CNTRL: variants seen among roughly 807,000 people sequenced by gnomAD.
CNTRL encodes 110 kDa centrosomal protein.
In CNTRL, 233 loss-of-function variants were observed where a neutral mutation model predicts 303.7. The observed-to-expected ratio is 0.77, with a 90% CI of 0.69 to 0.86. The LOEUF (loss-of-function observed/expected upper bound fraction) is 0.86. Ranked by LOEUF, CNTRL falls within the 40% of genes least tolerant of loss-of-function variation. The pLI, the probability that CNTRL is intolerant of heterozygous loss-of-function variation, is 0.00. For missense variants in CNTRL, 2,524 were observed against 2,650.6 expected (o/e 0.95, Z 1.05); for synonymous variants, 900 against 922.2 (o/e 0.98, Z 0.44).
chr9:121,172,544 G>A (rs1022832792), intron 40 of CNTRL, among the ~76,000 whole-genome samples: 1 of 152,138 alleles, frequency 6.6e-6, no homozygotes, highest in Non-Finnish European at 1.5e-5. Context: ...GGGAGGCTGA[G>A]GGGGGAGGAT....
At chr9:121,159,052 G>A (rs750357073) in intron 31 of CNTRL, 33 bp downstream of exon 31, 103 of 1,590,778 alleles carry the variant, frequency 6.5e-5, no homozygotes, top group East Asian at 1.1e-4. Flanking sequence ...CTGAAGAGTC[G>A]TAGGACAGTG....
intron 34 of CNTRL, among the ~76,000 whole-genome samples, chr9:121,163,328 A>T (rs1407908): frequency 0.57 from 83,419 of 146,448 alleles, 23,763 homozygotes; most frequent in South Asian, 0.67. Context: ...TCAAAAAAAA[A>T]ATATATATAT....
In CNTRL at chr9:121,171,579, C is replaced by T. The variant is rs764252560; in HGVS notation, c.6417+31C>T. ...TGCCCAGAAAGCCCAGCTGGCCAGC[C>T]TGGGGAGAGAGGACTCACTGGGCTC... On this transcript the variant is annotated intron_variant, in intron 40 of 43. Coordinates refer to ENST00000373855, the MANE Select transcript of CNTRL (RefSeq NM_007018.6). The T allele has an allele frequency of 3.3e-5, 53 of 1,606,284 alleles. No individual in the cohort carries two copies. In the Admixed American group the frequency reaches 8.8e-4, roughly 27 times the overall value.
chr9:121,095,101 A>G, intron 5 of CNTRL, 83 bp downstream of exon 5: 1 of 1,037,060 alleles, frequency 9.6e-7, no homozygotes. Context: ...CATTACTGAA[A>G]GAATGATTTG....
At chr9:121,147,979 C>T (rs185494796) in intron 23 of CNTRL, among the ~76,000 whole-genome samples, 1 of 152,274 alleles carries the variant, frequency 6.6e-6, no homozygotes, top group East Asian at 1.9e-4. Flanking sequence ...GCCAAGCTCC[C>T]AGGACCACAG....
At chr9:121,116,019 G>T (rs1271537877) in intron 11 of CNTRL, among the ~76,000 whole-genome samples, 1 of 151,754 alleles carries the variant, frequency 6.6e-6, no homozygotes, top group Non-Finnish European at 1.5e-5. Context: ...CAGACTTGTG[G>T]GGGAAATAAG....
At chr9:121,164,506 G>GAATC (rs1271001252) in intron 34 of CNTRL, among the ~76,000 whole-genome samples, 2 of 152,218 alleles carry the variant, frequency 1.3e-5, no homozygotes, top group African/African-American at 2.4e-5. Context: ...CAACATGGAT[G>GAATC]AATCTCAAAG....
chr9:121,077,683 A>G (rs1208369638), intron 1 of CNTRL, among the ~76,000 whole-genome samples: 2 of 152,092 alleles, frequency 1.3e-5, no homozygotes, highest in African/African-American at 4.8e-5. Flanking sequence ...AGTGGCTCAC[A>G]CCTGTAATCC....
intron 12 of CNTRL, chr9:121,122,461 T>C (rs1332567069): frequency 2.3e-6 from 2 of 882,788 alleles, no homozygotes; most frequent in Non-Finnish European, 2.7e-6. Context: ...AATATTCTTT[T>C]ATAATCACAT....
At chr9:121,151,611 C>T (rs562564907) in intron 25 of CNTRL, among the ~76,000 whole-genome samples, 26 of 152,012 alleles carry the variant, frequency 1.7e-4, no homozygotes, top group African/African-American at 4.8e-4. Context: ...AGGCTGGTCT[C>T]GAACTCCTGA....
chr9:121,088,117 CTCTGGCAAGGTCAT>C, intron 2 of CNTRL, among the ~76,000 whole-genome samples, 165 bp from the exon 3 acceptor site: 1 of 152,318 alleles, frequency 6.6e-6, no homozygotes, highest in South Asian at 2.1e-4. Context: ...TCCCTTTTCT[CTCTGGCAAGGTCAT>C]CAGTGATGTT....
At chr9:121,137,194 G>A (rs544545799) in intron 15 of CNTRL, among the ~76,000 whole-genome samples, 1 of 152,296 alleles carries the variant, frequency 6.6e-6, no homozygotes, top group South Asian at 2.1e-4. Context: ...TTAGCCAGAT[G>A]AGCTGCATCT....
intron 7 of CNTRL, 111 bp downstream of exon 7, chr9:121,098,683 G>A (rs2048993569): frequency 1.4e-6 from 1 of 728,998 alleles, no homozygotes; most frequent in East Asian, 2.7e-5. Context: ...ATGTACATGG[G>A]AAATGGCAGC....
At chr9:121,093,504 A>C (rs934767788) in intron 4 of CNTRL, among the ~76,000 whole-genome samples, 1 of 152,222 alleles carries the variant, frequency 6.6e-6, no homozygotes, top group South Asian at 2.1e-4. Flanking sequence ...GGTCCCAAGC[A>C]TTTTGAATAA....
chr9:121,104,412 A>G (rs1481732266), intron 7 of CNTRL, among the ~76,000 whole-genome samples: 2 of 152,160 alleles, frequency 1.3e-5, no homozygotes, highest in Admixed American at 6.5e-5. Context: ...CATTAGGAGA[A>G]ATACCTAATG....
chr9:121,140,820 G>A (rs773156855), intron 17 of CNTRL, 34 bp downstream of exon 17: 5 of 1,591,804 alleles, frequency 3.1e-6, no homozygotes, highest in Non-Finnish European at 3.4e-6. Context: ...AGTCTAGAGT[G>A]GGCCTCACAA....
chr9:121,098,584 T>C lies in CNTRL; in HGVS notation c.808+12T>C. On this transcript the variant is annotated intron_variant, in intron 7 of 43. Transcript: ENST00000373855. ...GAGATTCAGTTTAGGTAAGATTAAA[T>C]TTAAAAAATAATAAATTTGGGTGAG... 6.5e-7 allele frequency: 1 copy of C among 1,536,248 alleles called. No individual in the cohort carries two copies. Among genetic ancestry groups the C allele is most frequent in the Non-Finnish European group, 8.8e-7 (1 of 1,138,124 alleles).
Position 121,115,143 on chromosome 9 carries a change from A to G in CNTRL, c.1398A>G (p.Gln466=). Reference sequence around the variant, plus strand: ...ATGAAATAGAAAAGGCAGAACAACAAATTTTGAGAGCTACTGAAGAATTTA... The same window carrying G: ...ATGAAATAGAAAAGGCAGAACAACAGATTTTGAGAGCTACTGAAGAATTTA... ...LHDEIEKAEQ[Q]ILRATEEFKQ... Residue 466 remains glutamine (Q), a synonymous_variant, in exon 11 of 44, where the codon CAA becomes CAG. Transcript: ENST00000373855. The G allele has an allele frequency of 6.2e-7, 1 of 1,611,474 alleles. No homozygotes were observed. The highest frequency in any genetic ancestry group is 8.5e-7 in the Non-Finnish European group (1 of 1,178,776).
intron 4 of CNTRL, among the ~76,000 whole-genome samples, chr9:121,091,926 T>G (rs2048592520): frequency 7.0e-6 from 1 of 142,086 alleles, no homozygotes; most frequent in African/African-American, 2.6e-5. Context: ...TCTCACTCTG[T>G]CATCTAGGCC....
Sources: allele counts gnomAD v4.1 joint callset (sites outside exome capture counted in the v4.1 genomes callset), GRCh38; gene constraint gnomAD v4.1.1; transcripts MANE v1.5; gene names NCBI Gene and HGNC (gene_info 2026-07-23, HGNC 2026-07-21).